SPTBN1: variants seen among roughly 807,000 people sequenced by gnomAD.
The protein encoded by SPTBN1 is spectrin beta, non-erythrocytic 1, also known as spectrin beta chain, non-erythrocytic 1.
A neutral mutation model predicts 266.4 loss-of-function variants in SPTBN1; 32 were observed. The observed-to-expected ratio is 0.12, with a 90% CI of 0.09 to 0.16. The LOEUF (loss-of-function observed/expected upper bound fraction) is 0.16. SPTBN1 is among the 10% of genes least tolerant of loss of function. The probability of loss-of-function intolerance (pLI) is 1.00; values close to 1 mark genes in which losing one functional copy is unlikely to be tolerated. For synonymous variants in SPTBN1, 1,336 were observed against 1,162.2 expected (o/e 1.15, Z -3.04); for missense variants, 2,296 against 3,067.1 (o/e 0.75, Z 5.94).
chr2:54,521,556 T>G (rs961220342), intron 1 of SPTBN1, among the ~76,000 whole-genome samples: 1 of 152,198 alleles, frequency 6.6e-6, no homozygotes, highest in African/African-American at 2.4e-5. Context: ...CTCTGTTGTT[T>G]GGGCTGGAGT....
intron 2 of SPTBN1, among the ~76,000 whole-genome samples, chr2:54,557,329 G>C (rs1442927352): frequency 6.6e-6 from 1 of 151,618 alleles, no homozygotes; most frequent in African/African-American, 2.4e-5. Context: ...TATTGCTGTA[G>C]GGCTCCAAAC....
intron 2 of SPTBN1, among the ~76,000 whole-genome samples, chr2:54,538,648 C>G (rs915667022): frequency 6.6e-6 from 1 of 152,126 alleles, no homozygotes; most frequent in African/African-American, 2.4e-5. Flanking sequence ...GAATTTTGAC[C>G]TCTTTGCTGC....
chr2:54,621,647 C>T (rs1678000206), intron 8 of SPTBN1, 135 bp downstream of exon 8: 2 of 626,164 alleles, frequency 3.2e-6, no homozygotes, highest in Non-Finnish European at 5.8e-6. Flanking sequence ...TCGGCAGAAG[C>T]CTCTTCATCC....
At chr2:54,469,218 G>A (rs986973211) in intron 1 of SPTBN1, among the ~76,000 whole-genome samples, 9 of 152,184 alleles carry the variant, frequency 5.9e-5, no homozygotes, top group South Asian at 2.1e-4. Flanking sequence ...AACGGCTTCC[G>A]TATCTGCTGA....
At chr2:54,617,563 A>C (rs1401441960) in intron 5 of SPTBN1, 45 bp from the exon 6 acceptor site, 1 of 1,590,012 alleles carries the variant, frequency 6.3e-7, no homozygotes, top group African/African-American at 1.3e-5. Flanking sequence ...ATAAACCTCC[A>C]TGTGGTAATT....
rs144666036 is a variant in SPTBN1 at position 54,626,112 on chromosome 2, C to T, written c.1522C>T (p.Arg508Trp). 20 of 1,614,060 alleles carry T rather than the reference C, an allele frequency of 1.2e-5. No individual in the cohort carries two copies. Among genetic ancestry groups the T allele is most frequent in the Non-Finnish European group, 1.5e-5 (18 of 1,180,048 alleles). Residue 508 changes from arginine (R) to tryptophan (W), a missense_variant, in exon 12 of 36, where the codon CGG (arginine) becomes TGG (tryptophan). Arg to Trp is a moderately radical substitution (Grantham distance 101). Around this residue, in one of 12 missense-constraint regions of SPTBN1, gnomAD observed 434 missense variants for 573.9 expected, o/e 0.76. Transcript: ENST00000356805. This position sits in a 1 kb window ranked among gnomAD's most constrained non-coding sequence, Gnocchi z 4.7. ...CACAGCGAGGAAGGACAATGTCATC[C>T]GGCTCTGGGAATACCTACTGGAACT... ...RITARKDNVI[R>W]LWEYLLELLR... is the part of the protein sequence containing the mutation.
chr2:54,644,031 G>C (rs536975388), intron 19 of SPTBN1, among the ~76,000 whole-genome samples: 1 of 151,976 alleles, frequency 6.6e-6, no homozygotes, highest in Admixed American at 6.6e-5. Context: ...TATCATCTTT[G>C]GTCATGGAAT....
intron 3 of SPTBN1, among the ~76,000 whole-genome samples, chr2:54,601,308 A>G (rs942963221): frequency 6.6e-6 from 1 of 152,222 alleles, no homozygotes; most frequent in African/African-American, 2.4e-5. Flanking sequence ...TACCATAGAT[A>G]GAGTGCTCTT....
chr2:54,625,907 T>A (rs1203359690), intron 11 of SPTBN1, 25 bp from the exon 12 acceptor site: 2 of 1,605,766 alleles, frequency 1.2e-6, no homozygotes, highest in Non-Finnish European at 1.7e-6. Flanking sequence ...TTTATTTTCC[T>A]TCTTTTCATT....
In SPTBN1 at chr2:54,533,338, T is replaced by G. The variant is rs1671375066; in HGVS notation, c.148+6772T>G. On this transcript the variant is annotated intron_variant, in intron 2 of 35. Coordinates refer to ENST00000356805, the MANE Select transcript of SPTBN1 (RefSeq NM_003128.3). This position sits in a 1 kb window ranked among gnomAD's most constrained non-coding sequence, Gnocchi z 4.2. ...GAACCATGGAAAGTGAAACCCAGGC[T>G]AAAGGGGACTAGTGTGTGTGTGTGT... Among the ~76,000 whole-genome samples, 1 of 147,326 alleles carries G rather than the reference T, an allele frequency of 6.8e-6. No individual in the cohort carries two copies. Among genetic ancestry groups the G allele is most frequent in the Non-Finnish European group, 1.5e-5 (1 of 67,390 alleles).
At chr2:54,536,680 A>G (rs1439278835) in intron 2 of SPTBN1, among the ~76,000 whole-genome samples, 2 of 152,172 alleles carry the variant, frequency 1.3e-5, no homozygotes, top group African/African-American at 2.4e-5. Flanking sequence ...GTTGTAAGGA[A>G]TACAGATTCA....
intron 18 of SPTBN1, among the ~76,000 whole-genome samples, chr2:54,638,395 A>G (rs940415664): frequency 6.6e-6 from 1 of 152,238 alleles, no homozygotes; most frequent in African/African-American, 2.4e-5. Flanking sequence ...CAAAAGACAA[A>G]TTAGTTTCTT....
intron 18 of SPTBN1, among the ~76,000 whole-genome samples, chr2:54,638,409 C>T (rs1446286513): frequency 6.6e-6 from 1 of 152,208 alleles, no homozygotes; most frequent in African/African-American, 2.4e-5. Flanking sequence ...GTTTCTTATT[C>T]GCTTAAGACC....
chr2:54,488,374 A>T lies in SPTBN1; in HGVS notation c.-48+31856A>T, dbSNP rs775153278. Among the ~76,000 whole-genome samples, 34 of 151,768 alleles carry T rather than the reference A, an allele frequency of 2.2e-4. 1 individual carries two copies. Among genetic ancestry groups the T allele is most frequent in the Non-Finnish European group, 7.4e-5 (5 of 67,910 alleles). On this transcript the variant is annotated intron_variant, in intron 1 of 35. Coordinates refer to ENST00000356805, the MANE Select transcript of SPTBN1 (RefSeq NM_003128.3). ...TCCCTTGCACCCCTGAGAGTCAGTG[A>T]CTCTCTGTTTTCACCTTGGACTGCC...
chr2:54,645,958 A>G lies in SPTBN1; in HGVS notation c.4525A>G (p.Thr1509Ala). 1.9e-6 allele frequency: 3 copies of G among 1,614,116 alleles called. No individual in the cohort carries two copies. Among genetic ancestry groups the G allele is most frequent in the East Asian group, 2.2e-5 (1 of 44,888 alleles). Residue 1509 changes from threonine (T) to alanine (A), a missense_variant, in exon 22 of 36, where the codon ACT becomes GCT. Around this residue, in one of 12 missense-constraint regions of SPTBN1, gnomAD observed 644 missense variants for 745.3 expected, o/e 0.86. Coordinates refer to ENST00000356805, the MANE Select transcript of SPTBN1 (RefSeq NM_003128.3). This position sits in a 1 kb window ranked among gnomAD's most constrained non-coding sequence, Gnocchi z 4.3. ...GGTTGGAGAGAGGATGCCTTTGGCA[A>G]CTTCCACGGATCATGGCCACAACCT... The part of the protein sequence containing the change: ...LWVGERMPLA[T>A]STDHGHNLQT...
At chr2:54,459,115 G>A (rs970207112) in intron 1 of SPTBN1, among the ~76,000 whole-genome samples, 4 of 152,196 alleles carry the variant, frequency 2.6e-5, no homozygotes, top group African/African-American at 9.7e-5. Context: ...GATGTCACAG[G>A]AGGTTTAGCT....
chr2:54,569,076 G>C (rs2195631), intron 2 of SPTBN1, among the ~76,000 whole-genome samples: 1 of 152,182 alleles, frequency 6.6e-6, no homozygotes, highest in Non-Finnish European at 1.5e-5. Context: ...TGAGTTTGTA[G>C]GTGAAACTTT....
intron 2 of SPTBN1, among the ~76,000 whole-genome samples, chr2:54,556,812 G>A (rs1431591068): frequency 1.3e-5 from 2 of 152,092 alleles, no homozygotes; most frequent in African/African-American, 4.8e-5. Context: ...CTGTGGAGGT[G>A]GGCATTAATT....
intron 19 of SPTBN1, 54 bp from the exon 20 acceptor site, chr2:54,644,269 A>AT (rs1679778090): frequency 1.9e-6 from 3 of 1,571,400 alleles, no homozygotes; most frequent in Non-Finnish European, 2.6e-6. Context: ...TCACAGTGAC[A>AT]TTTTTTCTGT....
Sources: gnomAD v4.1 joint callset for allele counts (sites outside exome capture counted in the v4.1 genomes callset) on GRCh38, gnomAD v4.1.1 for gene constraint, gnomAD v4.1.1 regional missense constraint, Gnocchi (gnomAD v3.1) non-coding constraint, MANE v1.5 for transcripts, NCBI Gene and HGNC (gene_info 2026-07-23, HGNC 2026-07-21) for gene names.